The following ESRRG variants were observed in gnomAD, a reference collection of about 807,000 sequenced individuals.
The protein encoded by ESRRG is estrogen-related receptor gamma.
A neutral mutation model predicts 44.0 loss-of-function variants in ESRRG; 13 were observed. That is an observed-to-expected ratio of 0.30 (90% CI 0.19 to 0.47). The LOEUF (loss-of-function observed/expected upper bound fraction) is 0.47. Among genes scored for constraint, ESRRG ranks in the 20% least tolerant of loss-of-function variants. The pLI is 1.00. For synonymous variants in ESRRG, 215 were observed against 214.6 expected, an observed-to-expected ratio of 1.00 and a Z score of -0.02; for missense variants, 395 against 580.6, an observed-to-expected ratio of 0.68 and a Z score of 3.29.
intron 2 of ESRRG, among the ~76,000 whole-genome samples, chr1:216,872,722 G>A (rs777517009): frequency 3.3e-5 from 5 of 152,026 alleles, no homozygotes; most frequent in Admixed American, 2.0e-4. Flanking sequence ...GAGTGTTTGT[G>A]ACTGCTTGTT....
intron 2 of ESRRG, among the ~76,000 whole-genome samples, chr1:216,912,454 G>A (rs1278970995): frequency 6.6e-6 from 1 of 152,078 alleles, no homozygotes; most frequent in Non-Finnish European, 1.5e-5. Flanking sequence ...TCAAATGTAG[G>A]CCTGTGTAAT....
chr1:216,980,067 C>T (rs1379840703), intron 1 of ESRRG, among the ~76,000 whole-genome samples: 3 of 152,116 alleles, frequency 2.0e-5, no homozygotes, highest in African/African-American at 4.8e-5. Flanking sequence ...CCAATTAAAA[C>T]GCTCACTTTC....
chr1:216,814,081 T>A (rs917548936), intron 2 of ESRRG, among the ~76,000 whole-genome samples: 3 of 151,680 alleles, frequency 2.0e-5, no homozygotes, highest in Non-Finnish European at 4.4e-5. Context: ...CTGAAAGTAG[T>A]GCTAATGTGC....
chr1:216,720,592 A>G (rs1575733886), intron 1 of ESRRG, among the ~76,000 whole-genome samples: 1 of 151,978 alleles, frequency 6.6e-6, no homozygotes, highest in South Asian at 2.1e-4. Context: ...TTACTGTATA[A>G]ATTTTTTCTT....
intron 1 of ESRRG, among the ~76,000 whole-genome samples, chr1:217,033,034 A>T (rs1263772345): frequency 6.6e-6 from 1 of 152,162 alleles, no homozygotes. Flanking sequence ...GGAGATTAAA[A>T]GGGGGTGCAC....
chr1:216,576,092 A>T (rs147410923), intron 3 of ESRRG, among the ~76,000 whole-genome samples: 1 of 152,100 alleles, frequency 6.6e-6, no homozygotes, highest in African/African-American at 2.4e-5. Flanking sequence ...CAAGGTGTGT[A>T]TTTCAAGGGC....
At chr1:216,691,250 T>C (rs2079002122) in intron 1 of ESRRG, among the ~76,000 whole-genome samples, 1 of 152,162 alleles carries the variant, frequency 6.6e-6, no homozygotes, top group South Asian at 2.1e-4. Flanking sequence ...GGATAGTCAT[T>C]TGATTTTTTA....
intron 2 of ESRRG, among the ~76,000 whole-genome samples, chr1:216,786,626 T>C (rs949323556): frequency 2.0e-5 from 3 of 152,120 alleles, no homozygotes; most frequent in Non-Finnish European, 4.4e-5. Flanking sequence ...TTTTAGCTAA[T>C]ACTAAAGGAA....
At chr1:216,700,807 T>C (rs1420510131) in intron 1 of ESRRG, among the ~76,000 whole-genome samples, 1 of 152,212 alleles carries the variant, frequency 6.6e-6, no homozygotes, top group African/African-American at 2.4e-5. Flanking sequence ...TATATTTTCA[T>C]AGTCGTATTC....
chr1:216,674,800 G>A (rs1041237889), intron 2 of ESRRG, among the ~76,000 whole-genome samples: 2 of 151,810 alleles, frequency 1.3e-5, no homozygotes, highest in Non-Finnish European at 2.9e-5. Context: ...TATAGAGACA[G>A]GGTTCTCACT....
intron 2 of ESRRG, among the ~76,000 whole-genome samples, chr1:216,871,509 A>G (rs1404587600): frequency 6.6e-6 from 1 of 152,000 alleles, no homozygotes; most frequent in Non-Finnish European, 1.5e-5. Context: ...GGTGTTGTTC[A>G]GTTCTTCTAT....
intron 1 of ESRRG, among the ~76,000 whole-genome samples, chr1:217,034,788 G>GT (rs1256162281): frequency 6.6e-6 from 1 of 152,122 alleles, no homozygotes; most frequent in Non-Finnish European, 1.5e-5. Flanking sequence ...TGCACCATAC[G>GT]TAACACCAGG....
At chr1:216,526,826 C>T (rs569764811) in intron 5 of ESRRG, among the ~76,000 whole-genome samples, 1 of 152,050 alleles carries the variant, frequency 6.6e-6, no homozygotes, top group African/African-American at 2.4e-5. Context: ...AGTAAATAGA[C>T]CTAGAATTGG....
chr1:216,971,411 T>A (rs932709453), intron 1 of ESRRG, among the ~76,000 whole-genome samples: 9 of 152,164 alleles, frequency 5.9e-5, no homozygotes, highest in African/African-American at 2.2e-4. Flanking sequence ...GTATTGGAAA[T>A]GCGTGTCATC....
At chr1:216,564,424 A>T in intron 4 of ESRRG, 44 bp from the exon 5 acceptor site, 1 of 1,489,132 alleles carries the variant, frequency 6.7e-7, no homozygotes, top group South Asian at 1.3e-5. Context: ...TAGTAGTATC[A>T]TCCCTCTTTT....
intron 2 of ESRRG, among the ~76,000 whole-genome samples, chr1:216,918,851 AAT>A (rs1177136810): frequency 6.7e-6 from 1 of 148,204 alleles, no homozygotes; most frequent in African/African-American, 2.5e-5. Flanking sequence ...TATATATAAT[AAT>A]ATATATATTA....
chr1:217,088,946 C>T (rs2653443), intron 1 of ESRRG, among the ~76,000 whole-genome samples: 48,895 of 151,684 alleles, frequency 0.32, 9,164 homozygotes, highest in South Asian at 0.49. Context: ...TCAGCGACTC[C>T]CTCGGGAAGG....
At chr1:216,928,763 T>C (rs1405487898) in intron 2 of ESRRG, among the ~76,000 whole-genome samples, 4 of 152,196 alleles carry the variant, frequency 2.6e-5, no homozygotes, top group African/African-American at 7.2e-5. Context: ...ACAGTGAATA[T>C]TATTAAGCCT....
At chr1:216,813,742 G>A (rs1457423229) in intron 2 of ESRRG, among the ~76,000 whole-genome samples, 1 of 152,090 alleles carries the variant, frequency 6.6e-6, no homozygotes, top group Non-Finnish European at 1.5e-5. Flanking sequence ...ATAAGTGCCT[G>A]CACACTATAC....
Sources: gnomAD v4.1 joint callset for allele counts (sites outside exome capture counted in the v4.1 genomes callset) on GRCh38, gnomAD v4.1.1 for gene constraint, MANE v1.5 for transcripts, NCBI Gene and HGNC (gene_info 2026-07-23, HGNC 2026-07-21) for gene names.